The following CCDC171 variants were observed in gnomAD, a reference collection of about 807,000 sequenced individuals.
CCDC171 encodes coiled-coil domain-containing protein 171.
CCDC171 carries 177 observed loss-of-function variants against 168.2 expected under a neutral mutation model. The observed-to-expected ratio is 1.05, with a 90% confidence interval of 0.93 to 1.19. The LOEUF (loss-of-function observed/expected upper bound fraction) is 1.19. Among genes scored for constraint, CCDC171 ranks in the 50% most tolerant of loss-of-function variants. The pLI is 0.00. For synonymous variants in CCDC171, 687 were observed against 540.8 expected (o/e 1.27, Z -3.75); for missense variants, 1,991 against 1,539.0 (o/e 1.29, Z -4.91).
intron 21 of CCDC171, among the ~76,000 whole-genome samples, chr9:15,822,680 A>G (rs1232457300): frequency 6.6e-6 from 1 of 152,160 alleles, no homozygotes; most frequent in African/African-American, 2.4e-5. Context: ...AAAAGTCAGG[A>G]AACAGCAGGT....
At chr9:16,092,129 A>G in the CCDC171 span, among the ~76,000 whole-genome samples, 2 of 152,190 alleles carry the variant, frequency 1.3e-5, no homozygotes, top group African/African-American at 2.4e-5. Context: ...GGAAAAGCAA[A>G]TAGGATCTGC....
rs2052166395 is a variant in CCDC171 at position 15,705,690 on chromosome 9, T to A, written c.1318+10353T>A. On this transcript the variant is annotated intron_variant, in intron 11 of 25. Coordinates refer to ENST00000380701, the MANE Select transcript of CCDC171 (RefSeq NM_173550.4). The stretch of plus-strand genomic sequence containing the variant: ...TTGCATGCTCTACTTTTTTCCCCCA[T>A]AGCACCTATTGCAGTCAAACATTTC... Among the ~76,000 whole-genome samples, 3 of 152,198 alleles carry A rather than the reference T, an allele frequency of 2.0e-5. No homozygotes were observed. The South Asian group carries it at 6.2e-4, about 31-fold the overall frequency.
the CCDC171 span, among the ~76,000 whole-genome samples, chr9:16,088,348 A>G: frequency 2.0e-5 from 3 of 152,222 alleles, no homozygotes; most frequent in African/African-American, 4.8e-5. Context: ...CCTATTCAAC[A>G]TAGTACTGGA....
chr9:15,975,163 C>G (rs1179739246), downstream of CCDC171, among the ~76,000 whole-genome samples: 5 of 152,146 alleles, frequency 3.3e-5, no homozygotes, highest in Middle Eastern at 3.2e-3. Flanking sequence ...TATAGCAAAA[C>G]TAATGATCTC....
chr9:16,011,255 G>T (rs1832860707), intron 3 of CCDC171, among the ~76,000 whole-genome samples: 1 of 152,016 alleles, frequency 6.6e-6, no homozygotes, highest in Admixed American at 6.6e-5. Context: ...GCCCCTGGAT[G>T]GATTACCCTT....
chr9:15,781,166 A>G (rs936329511), intron 20 of CCDC171, among the ~76,000 whole-genome samples: 5 of 152,222 alleles, frequency 3.3e-5, no homozygotes, highest in Admixed American at 2.0e-4. Context: ...ATTCTACACA[A>G]TTTGATTTCC....
chr9:16,002,382 C>G (rs1180972294), intron 3 of CCDC171, among the ~76,000 whole-genome samples: 1 of 151,382 alleles, frequency 6.6e-6, no homozygotes, highest in Non-Finnish European at 1.5e-5. Flanking sequence ...GTGTTTGTGT[C>G]TTTGTTTTTT....
At chr9:15,653,632 C>G (rs573009809) in intron 7 of CCDC171, among the ~76,000 whole-genome samples, 1 of 152,238 alleles carries the variant, frequency 6.6e-6, no homozygotes, top group African/African-American at 2.4e-5. Context: ...TATGACCAAT[C>G]TTATTTTATG....
the CCDC171 span, among the ~76,000 whole-genome samples, chr9:16,104,569 G>A: frequency 6.6e-6 from 1 of 152,070 alleles, no homozygotes; most frequent in African/African-American, 2.4e-5. Context: ...CAGGGAGGCA[G>A]GATTACAGGA....
chr9:16,052,090 A>C (rs940819499), intron 1 of CCDC171, among the ~76,000 whole-genome samples: 2 of 152,162 alleles, frequency 1.3e-5, no homozygotes, highest in Non-Finnish European at 2.9e-5. Context: ...CAGGAGCTAC[A>C]ATTCAAGATG....
chr9:15,951,861 A>T (rs1167707750), intron 25 of CCDC171, among the ~76,000 whole-genome samples: 1 of 152,110 alleles, frequency 6.6e-6, no homozygotes, highest in Non-Finnish European at 1.5e-5. Context: ...CAATTTAAAA[A>T]TTATCAGGAA....
intron 4 of CCDC171, among the ~76,000 whole-genome samples, chr9:16,022,020 C>G (rs994766907): frequency 6.6e-6 from 1 of 152,218 alleles, no homozygotes; most frequent in Non-Finnish European, 1.5e-5. Context: ...GATGCTTCCA[C>G]TGCTACCATA....
chr9:15,646,578 G>C lies in CCDC171; in HGVS notation c.823-10549G>C, dbSNP rs116341727. Among the ~76,000 whole-genome samples, 1,188 of 151,490 alleles carry C rather than the reference G, an allele frequency of 7.8e-3. 10 individuals carry two copies. Among genetic ancestry groups the C allele is most frequent in the African/African-American group, 0.028 (1,143 of 41,392 alleles). On this transcript the variant is annotated intron_variant, in intron 7 of 25. Coordinates refer to ENST00000380701, the MANE Select transcript of CCDC171 (RefSeq NM_173550.4). ...GAAGATCTACCAAGAAAATGGAAAA[G>C]AAAAAAAGTGGGGGTTGTAATCTTA...
intron 3 of CCDC171, among the ~76,000 whole-genome samples, chr9:16,005,965 T>G (rs935278660): frequency 5.9e-5 from 9 of 152,174 alleles, no homozygotes; most frequent in Non-Finnish European, 1.2e-4. Flanking sequence ...GTTCAAGTGA[T>G]TCTCCTGCCT....
chr9:16,011,712 T>A (rs1832874009), intron 3 of CCDC171, among the ~76,000 whole-genome samples: 1 of 152,182 alleles, frequency 6.6e-6, no homozygotes, highest in Admixed American at 6.5e-5. Context: ...TAGGACTGGT[T>A]TAGGGCAGGA....
intron 25 of CCDC171, among the ~76,000 whole-genome samples, chr9:15,933,059 C>T (rs1172645725): frequency 6.6e-6 from 1 of 151,672 alleles, no homozygotes; most frequent in Non-Finnish European, 1.5e-5. Flanking sequence ...TTTTTTTTGT[C>T]TGTGTGTCCT....
chr9:15,598,278 G>T (rs1363374757), intron 6 of CCDC171, among the ~76,000 whole-genome samples: 2 of 151,788 alleles, frequency 1.3e-5, no homozygotes, highest in Non-Finnish European at 2.9e-5. Flanking sequence ...TTTCTCTTGT[G>T]GGCATTTAGT....
chr9:15,937,924 G>C (rs527674762), intron 25 of CCDC171, among the ~76,000 whole-genome samples: 49 of 152,002 alleles, frequency 3.2e-4, no homozygotes, highest in African/African-American at 1.1e-3. Flanking sequence ...TAATTGTGAG[G>C]AATGGATGGG....
intron 6 of CCDC171, among the ~76,000 whole-genome samples, chr9:15,610,717 C>G (rs938062328): frequency 1.1e-4 from 17 of 152,070 alleles, no homozygotes; most frequent in Admixed American, 9.8e-4. Context: ...ACGACCATAC[C>G]TGGCTAATTT....
Sources: gnomAD v4.1 joint callset for allele counts (sites outside exome capture counted in the v4.1 genomes callset) on GRCh38, gnomAD v4.1.1 for gene constraint, MANE v1.5 for transcripts, NCBI Gene and HGNC (gene_info 2026-07-23, HGNC 2026-07-21) for gene names.